The following SLC24A4 variants were observed in gnomAD, a reference collection of about 807,000 sequenced individuals.
SLC24A4 encodes solute carrier family 24 member 4, also known as sodium/potassium/calcium exchanger 4.
Under a neutral mutation model 79.0 loss-of-function variants are expected in SLC24A4, and 53 were observed. The ratio of observed to expected loss-of-function variants is 0.67; its 90% CI spans 0.54 to 0.84. The LOEUF is 0.84. Among genes scored for constraint, SLC24A4 ranks in the 40% least tolerant of loss-of-function variants. The probability of loss-of-function intolerance (pLI) is 0.00; values close to 1 mark genes in which losing one functional copy is unlikely to be tolerated. For synonymous variants in SLC24A4, 323 were observed against 323.8 expected, an observed-to-expected ratio of 1.00 and a Z score of 0.03; for missense variants, 731 against 822.0, an observed-to-expected ratio of 0.89 and a Z score of 1.35.
chr14:92,392,220 A>C (rs1202207554), intron 2 of SLC24A4, among the ~76,000 whole-genome samples: 1 of 151,158 alleles, frequency 6.6e-6, no homozygotes, highest in Non-Finnish European at 1.5e-5. Context: ...TAGTGTGGAG[A>C]AATCTAGTAT....
At chr14:92,416,467 A>G (rs1890991401) in intron 2 of SLC24A4, among the ~76,000 whole-genome samples, 1 of 152,226 alleles carries the variant, frequency 6.6e-6, no homozygotes, top group African/African-American at 2.4e-5. Flanking sequence ...TAACAATGGC[A>G]GAACTGAACT....
intron 2 of SLC24A4, among the ~76,000 whole-genome samples, chr14:92,396,139 T>C (rs1889762114): frequency 6.6e-6 from 1 of 152,230 alleles, no homozygotes; most frequent in Non-Finnish European, 1.5e-5. Context: ...TGGTTTTTAA[T>C]TGCTGCTCTT....
chr14:92,329,095 T>C (rs988239446), intron 2 of SLC24A4, among the ~76,000 whole-genome samples: 1 of 152,228 alleles, frequency 6.6e-6, no homozygotes, highest in Non-Finnish European at 1.5e-5. Flanking sequence ...CTATCTTGCC[T>C]CCTCTTCAGG....
At chr14:92,397,497 G>A (rs184465574) in intron 2 of SLC24A4, among the ~76,000 whole-genome samples, 179 of 152,344 alleles carry the variant, frequency 1.2e-3, no homozygotes, top group Non-Finnish European at 1.3e-3. Flanking sequence ...GGAGGAAGGA[G>A]CTTTTTGCAT....
intron 2 of SLC24A4, among the ~76,000 whole-genome samples, chr14:92,396,104 G>T (rs187644330): frequency 3.9e-4 from 59 of 152,364 alleles, no homozygotes; most frequent in African/African-American, 1.4e-3. Context: ...GATTATAGGC[G>T]TGAGCCATCG....
intron 2 of SLC24A4, among the ~76,000 whole-genome samples, chr14:92,389,617 A>G (rs1164681426): frequency 2.0e-5 from 3 of 152,038 alleles, no homozygotes; most frequent in Non-Finnish European, 4.4e-5. Context: ...GGACCTAGCA[A>G]TCGTTATATG....
intron 2 of SLC24A4, among the ~76,000 whole-genome samples, chr14:92,373,809 C>A (rs1382990286): frequency 6.6e-6 from 1 of 152,116 alleles, no homozygotes; most frequent in East Asian, 1.9e-4. Context: ...ATGGATAATT[C>A]CAAACAAGTA....
intron 2 of SLC24A4, among the ~76,000 whole-genome samples, chr14:92,423,077 C>G (rs912328618): frequency 1.2e-4 from 19 of 152,192 alleles, no homozygotes; most frequent in Admixed American, 2.6e-4. Context: ...TCCCAAAGTA[C>G]TAGGCTTACA....
At chr14:92,480,455 G>A (rs1301697144) in intron 12 of SLC24A4, among the ~76,000 whole-genome samples, 1 of 148,028 alleles carries the variant, frequency 6.8e-6, no homozygotes, top group Non-Finnish European at 1.5e-5. Context: ...CACCACGCCC[G>A]GCTAATTTTT....
intron 2 of SLC24A4, among the ~76,000 whole-genome samples, chr14:92,400,170 G>A (rs1460707453): frequency 6.6e-6 from 1 of 152,194 alleles, no homozygotes; most frequent in Non-Finnish European, 1.5e-5. Flanking sequence ...GCCGAGCGTG[G>A]TGGCTCACGC....
In SLC24A4 at chr14:92,442,829, T is replaced by C. The variant is rs1209319018; in HGVS notation, c.582+13T>C. ...GTTTGCTGGCCAGGTCAGTGGTTTC[T>C]CCCTGGGCCCGGCAGATGCATGCCC... On this transcript the variant is annotated intron_variant, in intron 6 of 16. Coordinates refer to ENST00000532405, the MANE Select transcript of SLC24A4 (RefSeq NM_153646.4). 1.2e-6 allele frequency: 2 copies of C among 1,606,990 alleles called. No homozygotes were observed. The highest frequency in any genetic ancestry group is 1.7e-5 in the Admixed American group (1 of 59,964).
chr14:92,384,201 T>C (rs1304715415), intron 2 of SLC24A4, among the ~76,000 whole-genome samples: 1 of 152,030 alleles, frequency 6.6e-6, no homozygotes, highest in Non-Finnish European at 1.5e-5. Context: ...TAAAGTAATG[T>C]TGGAAATTAT....
chr14:92,437,323 T>G (rs866253407), intron 3 of SLC24A4, among the ~76,000 whole-genome samples: 1 of 152,192 alleles, frequency 6.6e-6, no homozygotes, highest in African/African-American at 2.4e-5. Flanking sequence ...CCAATTTGCT[T>G]CTTTGTTCCC....
At chr14:92,458,628 G>A (rs895057526) in intron 12 of SLC24A4, among the ~76,000 whole-genome samples, 1 of 152,222 alleles carries the variant, frequency 6.6e-6, no homozygotes, top group Non-Finnish European at 1.5e-5. Flanking sequence ...TGGGAGGGCA[G>A]TGTGTCCACC....
rs79687496 is a variant in SLC24A4 at position 92,461,333 on chromosome 14, G to T, written c.1255+4725G>T. The stretch of plus-strand genomic sequence containing the variant: ...TATGTCAGGCACTAAGCAGGAAATG[G>T]GGAATTCTTCTATTGCTCTGTAATT... On this transcript the variant is annotated intron_variant, in intron 12 of 16. Transcript: ENST00000532405. Among the ~76,000 whole-genome samples the T allele has an allele frequency of 4.1e-3, 617 of 152,322 alleles. 3 individuals carry two copies. The highest frequency in any genetic ancestry group is 0.014 in the African/African-American group (585 of 41,566).
intron 12 of SLC24A4, among the ~76,000 whole-genome samples, chr14:92,481,353 C>T (rs764729287): frequency 3.9e-5 from 6 of 152,244 alleles, no homozygotes; most frequent in Admixed American, 6.5e-5. Context: ...TCATCTGCCA[C>T]TTCCAGCAAC....
At chr14:92,476,711 C>G (rs1330003079) in intron 12 of SLC24A4, among the ~76,000 whole-genome samples, 1 of 152,120 alleles carries the variant, frequency 6.6e-6, no homozygotes, top group Non-Finnish European at 1.5e-5. Flanking sequence ...CTGCCCATTC[C>G]TCTTCTCTTC....
At chr14:92,482,911 A>C in intron 13 of SLC24A4, 65 bp downstream of exon 13, 2 of 1,512,170 alleles carry the variant, frequency 1.3e-6, no homozygotes, top group East Asian at 2.3e-5. Context: ...GCTGGGTTCA[A>C]GGCTAACCAC....
chr14:92,343,599 T>TC (rs1886300545), intron 2 of SLC24A4, among the ~76,000 whole-genome samples: 1 of 142,478 alleles, frequency 7.0e-6, no homozygotes, highest in African/African-American at 2.6e-5. Flanking sequence ...TTTCTTTCTT[T>TC]CTTTCTTTCT....
Sources: gnomAD v4.1 joint callset for allele counts (sites outside exome capture counted in the v4.1 genomes callset) on GRCh38, gnomAD v4.1.1 for gene constraint, MANE v1.5 for transcripts, NCBI Gene and HGNC (gene_info 2026-07-23, HGNC 2026-07-21) for gene names.